CAB39L: variants seen among roughly 807,000 people sequenced by gnomAD.
CAB39L encodes calcium binding protein 39 like, also known as calcium-binding protein 39-like.
A neutral mutation model predicts 39.1 loss-of-function variants in CAB39L; 23 were observed. The observed-to-expected ratio is 0.59, with a 90% CI of 0.42 to 0.83. CAB39L has a LOEUF of 0.83. Ranked by LOEUF, CAB39L falls within the 40% of genes least tolerant of loss-of-function variation. The pLI is 0.00. For missense variants in CAB39L, 366 were observed against 391.9 expected, an observed-to-expected ratio of 0.93 and a Z score of 0.56; for synonymous variants, 126 against 137.2, an observed-to-expected ratio of 0.92 and a Z score of 0.57.
In CAB39L at chr13:49,440,549, G is replaced by A. The variant is rs749389468; in HGVS notation, c.-246+3437C>T. ...AGCTACACATTCAGTAGCACTGAAT[G>A]TGTAGCTTGTTTTGGGCAGTATGGC... On this transcript the variant is annotated intron_variant, in intron 1 of 10. Coordinates refer to ENST00000409308, the MANE Select transcript of CAB39L (RefSeq NM_001079670.3). Among the ~76,000 whole-genome samples the A allele has an allele frequency of 2.0e-5, 3 of 151,858 alleles. 1 individual carries two copies. Among genetic ancestry groups the A allele is most frequent in the Non-Finnish European group, 4.4e-5 (3 of 67,934 alleles).
intron 9 of CAB39L, among the ~76,000 whole-genome samples, chr13:49,335,441 T>C (rs1333559317): frequency 1.3e-5 from 2 of 152,216 alleles, no homozygotes; most frequent in African/African-American, 4.8e-5. Context: ...CACTAAATCT[T>C]TTAGCCATTA....
At chr13:49,436,610 C>T (rs1253658761) in intron 1 of CAB39L, among the ~76,000 whole-genome samples, 1 of 134,858 alleles carries the variant, frequency 7.4e-6, no homozygotes, top group Non-Finnish European at 1.5e-5. Flanking sequence ...ATTGCCCAGG[C>T]TGGCCTCAAA....
At chr13:49,432,131 T>C (rs1324239094) in intron 3 of CAB39L, among the ~76,000 whole-genome samples, 2 of 152,162 alleles carry the variant, frequency 1.3e-5, no homozygotes, top group Admixed American at 6.5e-5. Context: ...TTTTATTTAT[T>C]GAACATATTA....
intron 3 of CAB39L, chr13:49,401,723 G>A (rs1280584760): frequency 6.6e-6 from 1 of 152,122 alleles, no homozygotes; most frequent in Non-Finnish European, 1.5e-5. Flanking sequence ...TTCATGCATG[G>A]GGTTTTGTCA....
intron 3 of CAB39L, among the ~76,000 whole-genome samples, chr13:49,386,192 T>C (rs938551099): frequency 6.6e-6 from 1 of 152,318 alleles, no homozygotes; most frequent in East Asian, 1.9e-4. Context: ...TATGATATGA[T>C]TTTTTGTCCA....
chr13:49,385,896 G>A, intron 3 of CAB39L, among the ~76,000 whole-genome samples: 1 of 152,088 alleles, frequency 6.6e-6, no homozygotes, highest in South Asian at 2.1e-4. Flanking sequence ...GAAATATTGT[G>A]AGAATTAACA....
At chr13:49,352,335 G>C (rs1297606919) in intron 6 of CAB39L, among the ~76,000 whole-genome samples, 1 of 152,060 alleles carries the variant, frequency 6.6e-6, no homozygotes, top group Non-Finnish European at 1.5e-5. Flanking sequence ...CTTAGCCCAA[G>C]TACAACAAGC....
chr13:49,406,333 A>AATTTTTTTTT (rs1555264228), intron 3 of CAB39L, among the ~76,000 whole-genome samples: 16 of 90,586 alleles, frequency 1.8e-4, no homozygotes, highest in South Asian at 3.3e-4. Context: ...ATGCCCAGCT[A>AATTTTTTTTT]TTTTTTTTTT....
At chr13:49,387,996 G>A (rs1594038509) in intron 3 of CAB39L, among the ~76,000 whole-genome samples, 1 of 152,126 alleles carries the variant, frequency 6.6e-6, no homozygotes, top group Non-Finnish European at 1.5e-5. Context: ...AAGGAAATAC[G>A]AAACAAAGAA....
chr13:49,371,065 CA>C (rs1955902295), intron 5 of CAB39L, among the ~76,000 whole-genome samples: 1 of 151,952 alleles, frequency 6.6e-6, no homozygotes, highest in South Asian at 2.1e-4. Flanking sequence ...GTAAGCATTT[CA>C]AATTGTTAAA....
chr13:49,339,715 G>T lies in CAB39L; in HGVS notation c.652C>A (p.Gln218Lys). 1 of 1,579,198 alleles carries T rather than the reference G, an allele frequency of 6.3e-7. No individual in the cohort carries two copies. Among genetic ancestry groups the T allele is most frequent in the Non-Finnish European group, 8.6e-7 (1 of 1,164,784 alleles). ...TIFEDYEKLL[Q>K]SENYVTKRQS... ...CTCTTAGTAACATAATTCTCAGACTGAAGCAATTTCTCATAGTCTTCAAAA... is the reference window on the plus strand; with the variant it reads ...CTCTTAGTAACATAATTCTCAGACTTAAGCAATTTCTCATAGTCTTCAAAA... Residue 218 changes from glutamine (Q) to lysine (K), a missense_variant, in exon 9 of 11, where the codon CAG becomes AAG. Coordinates refer to ENST00000409308, the MANE Select transcript of CAB39L (RefSeq NM_001079670.3).
At position 49,443,997 on chromosome 13, in the gene CAB39L, G is replaced by C; in HGVS notation, c.-257C>G. On this transcript the variant is annotated 5_prime_UTR_variant, in exon 1 of 11. Transcript: ENST00000409308. ...AGCCTCACACCTACCGGAGGAAACAGCTGCGCCACCACTCCAGTGATGCCG... is the reference window on the plus strand; with the variant it reads ...AGCCTCACACCTACCGGAGGAAACACCTGCGCCACCACTCCAGTGATGCCG... The C allele has an allele frequency of 2.2e-6, 1 of 456,768 alleles. No individual in the cohort carries two copies. The highest frequency in any genetic ancestry group is 1.5e-5 in the South Asian group (1 of 64,566). 28.3% of individuals were successfully genotyped at this position (456,768 alleles called of 1,614,324 possible). A position where few individuals can be genotyped will look rare whatever the true frequency, so the allele number is the denominator to read the frequency against.
chr13:49,315,317 C>G (rs577825732), intron 10 of CAB39L, among the ~76,000 whole-genome samples: 48 of 152,096 alleles, frequency 3.2e-4, no homozygotes, highest in Middle Eastern at 3.4e-3. Context: ...CTCAGCCAGG[C>G]CAGGGGACCC....
chr13:49,384,152 C>G lies in CAB39L; in HGVS notation c.-31-1211G>C, dbSNP rs146376613. Reference sequence around the variant, plus strand: ...CTCTCAAAACCTGCCACTGCTTTATCAGCTAAATTTATGTAATATTCTAAA... The same window carrying G: ...CTCTCAAAACCTGCCACTGCTTTATGAGCTAAATTTATGTAATATTCTAAA... On this transcript the variant is annotated intron_variant, in intron 3 of 10. Coordinates refer to ENST00000409308, the MANE Select transcript of CAB39L (RefSeq NM_001079670.3). 3.3e-3 allele frequency among the ~76,000 whole-genome samples: 504 copies of G among 152,328 alleles called. 1 individual carries two copies. The highest frequency in any genetic ancestry group is 6.8e-3 in the Middle Eastern group (2 of 294).
chr13:49,400,875 C>T (rs2138654924), intron 3 of CAB39L, among the ~76,000 whole-genome samples: 1 of 151,976 alleles, frequency 6.6e-6, no homozygotes, highest in Middle Eastern at 3.4e-3. Context: ...AATAAAAACC[C>T]ATTTCCAAAA....
chr13:49,347,666 C>G (rs1190464379), intron 7 of CAB39L, among the ~76,000 whole-genome samples: 1 of 152,012 alleles, frequency 6.6e-6, no homozygotes, highest in Non-Finnish European at 1.5e-5. Context: ...TGGATGCAAC[C>G]GAGGCCTATC....
At chr13:49,431,867 A>G (rs1957330825) in intron 3 of CAB39L, among the ~76,000 whole-genome samples, 1 of 152,172 alleles carries the variant, frequency 6.6e-6, no homozygotes, top group Non-Finnish European at 1.5e-5. Context: ...ATTAGCTAAA[A>G]ATTAGAAACA....
chr13:49,310,834 A>G lies in CAB39L; in HGVS notation c.994T>C (p.Leu332=), dbSNP rs1237897968. The change falls in exon 11 of 11, where the codon TTG becomes CTG. Residue 332 remains leucine, a synonymous_variant. Transcript: ENST00000409308. The part of the protein sequence containing the change: ...KNYLIKQIRD[L]KKTAP ...GCTCTTCAAGGGGCCGTTTTCTTCA[A>G]GTCTCGGATCTGTTTAATCAAGTAG... 1 of 1,614,056 alleles carries G rather than the reference A, an allele frequency of 6.2e-7. No individual in the cohort carries two copies. Among genetic ancestry groups the G allele is most frequent in the Non-Finnish European group, 8.5e-7 (1 of 1,180,032 alleles).
intron 3 of CAB39L, among the ~76,000 whole-genome samples, chr13:49,419,059 C>A (rs186756737): frequency 6.6e-6 from 1 of 152,226 alleles, no homozygotes; most frequent in Non-Finnish European, 1.5e-5. Context: ...CCTCTCCCTC[C>A]CAGGTTCAAG....
Sources: allele counts gnomAD v4.1 joint callset (sites outside exome capture counted in the v4.1 genomes callset), GRCh38; gene constraint gnomAD v4.1.1; transcripts MANE v1.5; gene names NCBI Gene and HGNC (gene_info 2026-07-23, HGNC 2026-07-21).